The following QRICH2 variants were observed in gnomAD, a reference collection of about 807,000 sequenced individuals.
QRICH2 encodes glutamine rich 2.
In QRICH2, 119 loss-of-function variants were observed where a neutral mutation model predicts 168.3. The ratio of observed to expected loss-of-function variants is 0.71; its 90% CI spans 0.61 to 0.82. The LOEUF (loss-of-function observed/expected upper bound fraction) is 0.82. Ranked by LOEUF, QRICH2 falls within the 40% of genes least tolerant of loss-of-function variation. The pLI is 0.00. For missense variants in QRICH2, 2,241 were observed against 2,491.6 expected, an observed-to-expected ratio of 0.90 and a Z score of 2.14; for synonymous variants, 894 against 951.2, an observed-to-expected ratio of 0.94 and a Z score of 1.11.
At chr17:76,285,516 C>T (rs768932751) in intron 7 of QRICH2, among the ~76,000 whole-genome samples, 1 of 151,394 alleles carries the variant, frequency 6.6e-6, no homozygotes, top group Non-Finnish European at 1.5e-5. Flanking sequence ...GATCTACCTG[C>T]GTCGTCCTCC....
rs77525809 is a variant in QRICH2 at position 76,289,361 on chromosome 17, A to T, written c.3798+631T>A. Among the ~76,000 whole-genome samples the T allele has an allele frequency of 1.3e-4, 19 of 151,766 alleles. No individual in the cohort carries two copies. The East Asian group carries it at 2.2e-3, about 17-fold the overall frequency. Reference sequence around the variant, plus strand: ...ACCACCATGTCTGGCTAATTTTTAAATTTTTTGTAGAGATAAGTCCTTGCT... The same window carrying T: ...ACCACCATGTCTGGCTAATTTTTAATTTTTTTGTAGAGATAAGTCCTTGCT... On this transcript the variant is annotated intron_variant, in intron 5 of 18. Transcript: ENST00000680821.
chr17:76,275,914 G>A lies in QRICH2; in HGVS notation c.5387C>T (p.Pro1796Leu), dbSNP rs754555235. 1.6e-5 allele frequency: 25 copies of A among 1,608,788 alleles called. No individual in the cohort carries two copies. The South Asian group carries it at 2.1e-4, about 13-fold the overall frequency. ...SGTSKRKSQQ[P>L]RPHVHRPPSL... The stretch of plus-strand genomic sequence containing the variant: ...TGGCGGCCTGTGCACGTGGGGCCTG[G>A]GCTGCTGGGACTTGCGCTTTGAGGT... The change falls in exon 18 of 19, where the codon CCC becomes CTC. Residue 1796 changes from proline to leucine, a missense_variant. By Grantham distance (98) the Pro-to-Leu change is moderately conservative. This residue lies in a region of QRICH2 where 189 missense variants were observed against 169.3 expected (regional missense o/e 1.12). Transcript: ENST00000680821.
rs1269526488 is a variant in QRICH2, at chr17:76,296,747, C to G, written c.706-2726G>C. 2.8e-5 allele frequency among the ~76,000 whole-genome samples: 4 copies of G among 143,254 alleles called. No individual in the cohort carries two copies. The Admixed American group carries it at 3.0e-4, about 11-fold the overall frequency. The allele number at this position is 143,254 out of a possible 152,430, so 94.0% of individuals were successfully genotyped here. On this transcript the variant is annotated intron_variant, in intron 3 of 18. Transcript: ENST00000680821. ...GAGCTGAGATCACACCACTGCACTC[C>G]GGCCTGGGCAACAGAGCATGGCTCT...
Position 76,292,181 on chromosome 17 carries a change from TGCTGAA to T in QRICH2, c.2540_2545del (p.Val847_His849delinsAsp). 3 of 1,561,498 alleles carry T rather than the reference TGCTGAA, an allele frequency of 1.9e-6. No individual in the cohort carries two copies. In the Middle Eastern group the frequency reaches 5.1e-4, roughly 267 times the overall value. On this transcript the variant is annotated inframe_deletion, in exon 4 of 19. Transcript: ENST00000680821. Reference sequence around the variant, plus strand: ...ATCTGCACCAGGTTGGACCAAACCATGCTGAACTGCACCAGGTTGGACCAAACCACG... The same window carrying T: ...ATCTGCACCAGGTTGGACCAAACCATCTGCACCAGGTTGGACCAAACCACG...
In QRICH2 at chr17:76,293,469, G is replaced by C. The variant is rs985142324; in HGVS notation, c.1258C>G (p.Leu420Val). The C allele has an allele frequency of 1.2e-6, 2 of 1,614,200 alleles. No individual in the cohort carries two copies. The highest frequency in any genetic ancestry group is 1.7e-6 in the Non-Finnish European group (2 of 1,180,038). Residue 420 changes from leucine to valine, a missense_variant, in exon 4 of 19, where the codon CTT becomes GTT. Physicochemically the swap from Leu to Val is conservative, Grantham distance 32 (BLOSUM62 1). Around this residue, in one of 3 missense-constraint regions of QRICH2, gnomAD observed 2,047 missense variants for 2,303.8 expected, o/e 0.89. Coordinates refer to ENST00000680821, the MANE Select transcript of QRICH2 (RefSeq NM_001388453.1). ...TCCATTTCAGGTGGTGGCACACCAA[G>C]CTGACCCATGCTGAGGGGTACCACA... ...HGVVPLSMGQ[L>V]GVPPPEMDDR...
chr17:76,275,591 T>A (rs531194308), intron 18 of QRICH2, among the ~76,000 whole-genome samples: 1 of 152,174 alleles, frequency 6.6e-6, no homozygotes, highest in South Asian at 2.1e-4. Flanking sequence ...GGTGACCCTG[T>A]CCCTATTTCA....
At position 76,275,832 on chromosome 17, in the gene QRICH2, A is replaced by C; in HGVS notation, c.5469T>G (p.Ala1823=). 6.2e-7 allele frequency: 1 copy of C among 1,606,524 alleles called. No individual in the cohort carries two copies. Among genetic ancestry groups the C allele is most frequent in the Non-Finnish European group, 8.5e-7 (1 of 1,179,812 alleles). ...GAGGGAAGCTACCTGAGGTGTTGCC[A>C]GCCGAAATCTGGGCGCTCTGTGGCC... The part of the protein sequence containing the change: ...PSRPQSAQIS[A]GNTSVSSRQQ... The change falls in exon 18 of 19, where the codon GCT becomes GCG. Residue 1823 remains alanine (A), a synonymous_variant. Transcript: ENST00000680821.
At position 76,293,815 on chromosome 17, in the gene QRICH2, G is replaced by A. The variant is rs911477669; in HGVS notation, c.912C>T (p.Ser304=). 1 of 1,613,970 alleles carries A rather than the reference G, an allele frequency of 6.2e-7. No individual in the cohort carries two copies. Among genetic ancestry groups the A allele is most frequent in the Admixed American group, 1.7e-5 (1 of 59,984 alleles). The change falls in exon 4 of 19, where the codon AGC becomes AGT. Residue 304 remains serine (S), a synonymous_variant. Coordinates refer to ENST00000680821, the MANE Select transcript of QRICH2 (RefSeq NM_001388453.1). ...PSDGVSSREQ[S]KVPSGTGRQQ... Reference sequence around the variant, plus strand: ...GTCTCCCAGTACCAGAGGGGACCTTGCTTTGTTCCCTACTGGAAACCCCAT... The same window carrying A: ...GTCTCCCAGTACCAGAGGGGACCTTACTTTGTTCCCTACTGGAAACCCCAT...
At chr17:76,279,936 G>GT (rs2143158277) in intron 12 of QRICH2, 97 bp downstream of exon 12, 4 of 1,411,142 alleles carry the variant, frequency 2.8e-6, no homozygotes, top group East Asian at 2.4e-5. Context: ...GATCCGCTGT[G>GT]TGCTGGCAGG....
chr17:76,278,767 C>A (rs1476727780), intron 14 of QRICH2, among the ~76,000 whole-genome samples: 1 of 152,220 alleles, frequency 6.6e-6, no homozygotes, highest in Non-Finnish European at 1.5e-5. Context: ...AGGCAGCTGG[C>A]GCCCTTGACG....
upstream of QRICH2, chr17:76,308,551 G>A: frequency 1.1e-6 from 1 of 942,296 alleles, no homozygotes; most frequent in Non-Finnish European, 1.3e-6. Context: ...CCATTCCAGA[G>A]TGGTGGCCCC....
upstream of QRICH2, among the ~76,000 whole-genome samples, chr17:76,308,919 G>A (rs946672293): frequency 2.7e-5 from 4 of 148,980 alleles, no homozygotes; most frequent in African/African-American, 7.6e-5. Context: ...CTAATTTTTT[G>A]TATTTTTAGC....
chr17:76,278,337 T>C (rs2143140597), intron 14 of QRICH2, 148 bp from the exon 15 acceptor site: 1 of 712,034 alleles, frequency 1.4e-6, no homozygotes, highest in Admixed American at 2.6e-5. Flanking sequence ...TCAGCAGTAG[T>C]CCTTTCCACA....
intron 3 of QRICH2, among the ~76,000 whole-genome samples, chr17:76,295,405 A>G (rs1598497388): frequency 6.6e-6 from 1 of 152,246 alleles, no homozygotes; most frequent in South Asian, 2.1e-4. Flanking sequence ...CTGTCATCCC[A>G]GCATTTTGGG....
chr17:76,274,074 T>G lies in QRICH2; in HGVS notation c.*5A>C. The G allele has an allele frequency of 2.6e-6, 4 of 1,535,834 alleles. No individual in the cohort carries two copies. Among genetic ancestry groups the G allele is most frequent in the Non-Finnish European group, 3.5e-6 (4 of 1,148,168 alleles). On this transcript the variant is annotated 3_prime_UTR_variant, in exon 19 of 19. Transcript: ENST00000680821. The stretch of plus-strand genomic sequence containing the variant: ...TTCCTCCTGAATGTTTATTTACACC[T>G]CCGCTCACTGAGCGGTGCTGGACCG...
In QRICH2 at chr17:76,291,272, A is replaced by T; in HGVS notation, c.3455T>A (p.Val1152Asp). The change falls in exon 4 of 19, where the codon GTC becomes GAC. Residue 1152 changes from valine to aspartate, a missense_variant. Physicochemically the swap from Val to Asp is radical, Grantham distance 152. Around this residue, in one of 3 missense-constraint regions of QRICH2, gnomAD observed 2,047 missense variants for 2,303.8 expected, o/e 0.89. Transcript: ENST00000680821. ...GGAGTCTGGACTCCTGAAAAGAGTG[A>T]CATCTTGGCCTGGGGCCTTCTGGGC... ...IPAQKAPGQD[V>D]TLFRSPDSVD... 1 of 1,614,182 alleles carries T rather than the reference A, an allele frequency of 6.2e-7. No individual in the cohort carries two copies. The highest frequency in any genetic ancestry group is 8.5e-7 in the Non-Finnish European group (1 of 1,180,030).
intron 3 of QRICH2, among the ~76,000 whole-genome samples, chr17:76,302,018 C>T (rs2070912979): frequency 6.6e-6 from 1 of 152,022 alleles, no homozygotes; most frequent in East Asian, 1.9e-4. Flanking sequence ...CCTGCCTCAG[C>T]CTCCCAAGTG....
chr17:76,281,024 G>T lies in QRICH2; in HGVS notation c.4264-71C>A. 6.4e-7 allele frequency: 1 copy of T among 1,559,378 alleles called. No homozygotes were observed. The highest frequency in any genetic ancestry group is 8.6e-7 in the Non-Finnish European group (1 of 1,157,950). ...TCCCACCCCCTGCTGCCATAATATT[G>T]CTGCCCCAGGTAAGTTGGCCCTTAA... On this transcript the variant is annotated intron_variant, in intron 8 of 18. Coordinates refer to ENST00000680821, the MANE Select transcript of QRICH2 (RefSeq NM_001388453.1). The surrounding 1 kb of genome is among the most constrained non-coding windows in gnomAD (Gnocchi z 4.4).
At chr17:76,276,804 G>T in intron 16 of QRICH2, 37 bp from the exon 17 acceptor site, 4 of 1,504,704 alleles carry the variant, frequency 2.7e-6, no homozygotes, top group Non-Finnish European at 2.8e-6. Context: ...CACTGTAGCA[G>T]CCACAGCCCT....
Sources: allele counts gnomAD v4.1 joint callset (sites outside exome capture counted in the v4.1 genomes callset), GRCh38; gene constraint gnomAD v4.1.1; regional missense constraint gnomAD v4.1.1; non-coding constraint Gnocchi (gnomAD v3.1); transcripts MANE v1.5; gene names NCBI Gene and HGNC (gene_info 2026-07-23, HGNC 2026-07-21).